The following TGFA variants were observed in gnomAD, a reference collection of about 807,000 sequenced individuals.
TGFA encodes protransforming growth factor alpha.
Under a neutral mutation model 21.7 loss-of-function variants are expected in TGFA, and 12 were observed. The observed-to-expected ratio is 0.55, with a 90% CI of 0.35 to 0.90. The LOEUF is 0.90. Ranked by LOEUF, TGFA falls within the 40% of genes least tolerant of loss-of-function variation. The pLI is 0.01. For synonymous variants in TGFA, 79 were observed against 88.1 expected, an observed-to-expected ratio of 0.90 and a Z score of 0.58; for missense variants, 178 against 210.8, an observed-to-expected ratio of 0.84 and a Z score of 0.96.
chr2:70,458,062 C>T (rs1260502124), intron 3 of TGFA, among the ~76,000 whole-genome samples: 1 of 152,152 alleles, frequency 6.6e-6, no homozygotes, highest in African/African-American at 2.4e-5. Flanking sequence ...AATAAGAACA[C>T]TGACTTTCAA....
chr2:70,553,562 A>C (rs537399403), intron 1 of TGFA, 166 bp downstream of exon 1: 25 of 1,329,554 alleles, frequency 1.9e-5, no homozygotes, highest in Non-Finnish European at 2.2e-5. Context: ...CCTCTTTGTC[A>C]TTCTTAATGA....
chr2:70,490,831 T>A (rs1671413293), intron 2 of TGFA, among the ~76,000 whole-genome samples: 2 of 152,214 alleles, frequency 1.3e-5, no homozygotes, highest in Admixed American at 1.3e-4. Context: ...CATGCTTTTT[T>A]TGTTTATCTG....
At chr2:70,506,410 A>T (rs1414545416) in intron 2 of TGFA, among the ~76,000 whole-genome samples, 1 of 152,212 alleles carries the variant, frequency 6.6e-6, no homozygotes, top group Non-Finnish European at 1.5e-5. Context: ...GTGGTTGATG[A>T]CTAAAAATGC....
At chr2:70,524,096 C>T (rs1321686713) in intron 1 of TGFA, among the ~76,000 whole-genome samples, 2 of 152,222 alleles carry the variant, frequency 1.3e-5, no homozygotes, top group Non-Finnish European at 2.9e-5. Flanking sequence ...CACTGCCACA[C>T]AGACATCTTC....
intron 2 of TGFA, among the ~76,000 whole-genome samples, chr2:70,483,464 A>G (rs1278927934): frequency 1.3e-5 from 2 of 152,190 alleles, no homozygotes; most frequent in African/African-American, 4.8e-5. Context: ...ATTCATCTGT[A>G]CCTGTGATGA....
At chr2:70,538,384 T>G (rs1673035924) in intron 1 of TGFA, among the ~76,000 whole-genome samples, 1 of 152,232 alleles carries the variant, frequency 6.6e-6, no homozygotes, top group African/African-American at 2.4e-5. Context: ...GCCACAGATT[T>G]GTGATTCTGC....
chr2:70,506,112 G>A (rs1000088676), intron 2 of TGFA, among the ~76,000 whole-genome samples: 4 of 152,196 alleles, frequency 2.6e-5, no homozygotes, highest in Admixed American at 6.5e-5. Flanking sequence ...GAAAGCCACC[G>A]TGTTCATCAT....
At chr2:70,539,557 C>T (rs547286384) in intron 1 of TGFA, among the ~76,000 whole-genome samples, 2 of 152,170 alleles carry the variant, frequency 1.3e-5, no homozygotes, top group Admixed American at 1.3e-4. Context: ...TAGGTTCAAG[C>T]GATTCTCCTG....
chr2:70,535,315 G>T (rs543679356), intron 1 of TGFA, among the ~76,000 whole-genome samples: 1 of 152,162 alleles, frequency 6.6e-6, no homozygotes, highest in Non-Finnish European at 1.5e-5. Flanking sequence ...GCAAGGGCTA[G>T]GTCATGGTTC....
At position 70,536,710 on chromosome 2, in the gene TGFA, A is replaced by C. The variant is rs537403189; in HGVS notation, c.40+17018T>G. On this transcript the variant is annotated intron_variant, in intron 1 of 5. Coordinates refer to ENST00000295400, the MANE Select transcript of TGFA (RefSeq NM_003236.4). ...ATGCAGCAAAAGCAGTGCTTAGAGG[A>C]AGATTTATAGCACTTACTGAATATA... Among the ~76,000 whole-genome samples the C allele has an allele frequency of 3.3e-5, 5 of 152,372 alleles. No homozygotes were observed. In the South Asian group the frequency reaches 6.2e-4, roughly 19 times the overall value.
intron 4 of TGFA, among the ~76,000 whole-genome samples, chr2:70,455,403 T>G (rs1444677986): frequency 6.6e-6 from 1 of 152,164 alleles, no homozygotes; most frequent in African/African-American, 2.4e-5. Flanking sequence ...GCTTCTTGCA[T>G]CGACATGTAG....
At chr2:70,532,065 C>T (rs1672827285) in intron 1 of TGFA, among the ~76,000 whole-genome samples, 1 of 152,188 alleles carries the variant, frequency 6.6e-6, no homozygotes, top group South Asian at 2.1e-4. Flanking sequence ...ACAAGAATAT[C>T]AACAGCTATT....
chr2:70,533,937 A>C (rs1267611650), intron 1 of TGFA, among the ~76,000 whole-genome samples: 1 of 152,106 alleles, frequency 6.6e-6, no homozygotes, highest in Non-Finnish European at 1.5e-5. Flanking sequence ...GTGTGTTAGC[A>C]ATACACTGTT....
intron 4 of TGFA, 57 bp from the exon 5 acceptor site, chr2:70,453,384 G>A: frequency 6.6e-7 from 1 of 1,520,598 alleles, no homozygotes; most frequent in Non-Finnish European, 9.1e-7. Context: ...GGCCAGGGTG[G>A]TACAGCATCT....
At chr2:70,514,232 ATT>A (rs1215073487) in intron 2 of TGFA, among the ~76,000 whole-genome samples, 1 of 152,106 alleles carries the variant, frequency 6.6e-6, no homozygotes, top group African/African-American at 2.4e-5. Flanking sequence ...AGGAATCCAC[ATT>A]GTTTCCTCAC....
At chr2:70,485,923 C>T (rs1181280870) in intron 2 of TGFA, among the ~76,000 whole-genome samples, 1 of 152,212 alleles carries the variant, frequency 6.6e-6, no homozygotes, top group Non-Finnish European at 1.5e-5. Context: ...CTGTATCCTT[C>T]AGCAGGAAGT....
intron 1 of TGFA, among the ~76,000 whole-genome samples, chr2:70,515,442 A>G (rs1010632737): frequency 1.3e-5 from 2 of 152,102 alleles, no homozygotes; most frequent in Non-Finnish European, 2.9e-5. Context: ...AAGGGAGCAA[A>G]GGACCCACTC....
chr2:70,549,381 G>T (rs1553506449), intron 1 of TGFA, among the ~76,000 whole-genome samples: 1 of 152,194 alleles, frequency 6.6e-6, no homozygotes, highest in African/African-American at 2.4e-5. Flanking sequence ...TGACTGAAAA[G>T]CAGTGGTTCT....
chr2:70,454,307 G>A (rs1670152911), intron 4 of TGFA, among the ~76,000 whole-genome samples: 1 of 152,250 alleles, frequency 6.6e-6, no homozygotes, highest in Non-Finnish European at 1.5e-5. Context: ...CCTGCAGTGA[G>A]AAGCTGCAAA....
Sources: gnomAD v4.1 joint callset for allele counts (sites outside exome capture counted in the v4.1 genomes callset) on GRCh38, gnomAD v4.1.1 for gene constraint, MANE v1.5 for transcripts, NCBI Gene and HGNC (gene_info 2026-07-23, HGNC 2026-07-21) for gene names.